Variants in FBH1 observed in about 807,000 individuals in gnomAD.
The protein encoded by FBH1 is F-box DNA helicase 1, also known as DNA 3'-5' helicase 1.
Under a neutral mutation model 115.5 loss-of-function variants are expected in FBH1, and 43 were observed. The ratio of observed to expected loss-of-function variants is 0.37; its 90% CI spans 0.29 to 0.48. FBH1 has a LOEUF of 0.48. Ranked by LOEUF, FBH1 falls within the 20% of genes least tolerant of loss-of-function variation. The pLI, the probability that FBH1 is intolerant of heterozygous loss-of-function variation, is 0.99. For missense variants in FBH1, 1,001 were observed against 1,337.3 expected (o/e 0.75, Z 3.92); for synonymous variants, 524 against 507.8 (o/e 1.03, Z -0.43).
rs757203024 is a variant in FBH1 at position 5,924,517 on chromosome 10, A to G, written c.2596+9A>G. The stretch of plus-strand genomic sequence containing the variant: ...AGATTTGGACTTTGCAGGTAAGGGA[A>G]GCAGTTGGTTTTTACCTTCCCCCTA... On this transcript the variant is annotated intron_variant, in intron 17 of 20. Coordinates refer to ENST00000362091, the MANE Select transcript of FBH1 (RefSeq NM_178150.3). The surrounding 1 kb of genome is among the most constrained non-coding windows in gnomAD (Gnocchi z 6.2). 3.0e-5 allele frequency: 48 copies of G among 1,613,532 alleles called. No homozygotes were observed. Among genetic ancestry groups the G allele is most frequent in the Non-Finnish European group, 4.0e-5 (47 of 1,179,722 alleles).
Position 5,914,250 on chromosome 10 carries a change from G to A in FBH1, c.1377G>A (p.Val459=). 6.2e-7 allele frequency: 1 copy of A among 1,614,232 alleles called. No individual in the cohort carries two copies. Among genetic ancestry groups the A allele is most frequent in the Non-Finnish European group, 8.5e-7 (1 of 1,180,038 alleles). ...ACAAGATGGAACCTCTCCAGGTGGTGAAAATTATGGCCTTTGCCGGTAAGG... is the reference window on the plus strand; with the variant it reads ...ACAAGATGGAACCTCTCCAGGTGGTAAAAATTATGGCCTTTGCCGGTAAGG... ...LNHKMEPLQV[V]KIMAFAGTGK... The change falls in exon 8 of 21, where the codon GTG becomes GTA. Residue 459 remains valine, a synonymous_variant. Coordinates refer to ENST00000362091, the MANE Select transcript of FBH1 (RefSeq NM_178150.3). This position sits in a 1 kb window ranked among gnomAD's most constrained non-coding sequence, Gnocchi z 5.2.
In FBH1 at chr10:5,923,835, A is replaced by G; in HGVS notation, c.2398+139A>G. 3 of 757,532 alleles carry G rather than the reference A, an allele frequency of 4.0e-6. No individual in the cohort carries two copies. Among genetic ancestry groups the G allele is most frequent in the East Asian group, 5.3e-5 (2 of 37,920 alleles). 46.9% of individuals were successfully genotyped at this position (757,532 alleles called of 1,614,324 possible). A position where few individuals can be genotyped will look rare whatever the true frequency, so the allele number is the denominator to read the frequency against. On this transcript the variant is annotated intron_variant, in intron 16 of 20. Coordinates refer to ENST00000362091, the MANE Select transcript of FBH1 (RefSeq NM_178150.3). The surrounding 1 kb of genome is among the most constrained non-coding windows in gnomAD (Gnocchi z 5.7). Reference sequence around the variant, plus strand: ...CTAGTGTTGCTGTCTTCCCATGACGAGGGGGGTGCCTCGGGCCTCCTGTTT... The same window carrying G: ...CTAGTGTTGCTGTCTTCCCATGACGGGGGGGGTGCCTCGGGCCTCCTGTTT...
Position 5,911,570 on chromosome 10 carries a change from G to A in FBH1, c.1211+442G>A, listed in dbSNP as rs1402057810. Among the ~76,000 whole-genome samples the A allele has an allele frequency of 6.6e-6, 1 of 152,156 alleles. No individual in the cohort carries two copies. Among genetic ancestry groups the A allele is most frequent in the East Asian group, 1.9e-4 (1 of 5,196 alleles). ...TCGGCTGCTGATTCACAGGGGCCCC[G>A]ATGGTTTCCTCAGCAGGGTGGGGAG... On this transcript the variant is annotated intron_variant, in intron 6 of 20. Transcript: ENST00000362091. This position sits in a 1 kb window ranked among gnomAD's most constrained non-coding sequence, Gnocchi z 5.4.
At chr10:5,905,094 G>C (rs981021668) in intron 2 of FBH1, 1 of 152,182 alleles carries the variant, frequency 6.6e-6, no homozygotes, top group Non-Finnish European at 1.5e-5. Flanking sequence ...CAGAATCATT[G>C]GTGCTTAGTA....
Position 5,914,399 on chromosome 10 carries a change from A to C in FBH1, c.1396+130A>C, listed in dbSNP as rs1831797770. 6.6e-6 allele frequency: 5 copies of C among 763,020 alleles called. No homozygotes were observed. Among genetic ancestry groups the C allele is most frequent in the Non-Finnish European group, 1.1e-5 (5 of 453,356 alleles). The allele number at this position is 763,020 out of a possible 1,614,324, so 47.3% of individuals were successfully genotyped here. On this transcript the variant is annotated intron_variant, in intron 8 of 20. Coordinates refer to ENST00000362091, the MANE Select transcript of FBH1 (RefSeq NM_178150.3). The surrounding 1 kb of genome is among the most constrained non-coding windows in gnomAD (Gnocchi z 5.2). ...CAACTAATAATTCAATAACAGATCA[A>C]ATAATCAATCTCAAAAGCAATTGGC... is the stretch of plus-strand genomic sequence containing the variant.
At position 5,917,437 on chromosome 10, in the gene FBH1, G is replaced by C; in HGVS notation, c.1806G>C (p.Ala602=). 6.2e-7 allele frequency: 1 copy of C among 1,614,168 alleles called. No homozygotes were observed. Among genetic ancestry groups the C allele is most frequent in the African/African-American group, 1.3e-5 (1 of 75,062 alleles). ...CTTCCTAGAATGGTGTCCTTGAAGC[G>C]AGCCGCCTCTGGGATAACATGCGGA... ...QSEKLNGVLE[A]SRLWDNMRKL... Residue 602 remains alanine, a synonymous_variant, in exon 11 of 21, where the codon GCG becomes GCC. Transcript: ENST00000362091. This position sits in a 1 kb window ranked among gnomAD's most constrained non-coding sequence, Gnocchi z 5.6.
chr10:5,936,483 A>C lies in FBH1; in HGVS notation c.2857A>C (p.Ser953Arg). 4.3e-6 allele frequency: 7 copies of C among 1,614,032 alleles called. No homozygotes were observed. Among genetic ancestry groups the C allele is most frequent in the Non-Finnish European group, 5.9e-6 (7 of 1,179,990 alleles). Residue 953 changes from serine (S) to arginine (R), a missense_variant, in exon 20 of 21, where the codon AGC becomes CGC. By Grantham distance (110) the Ser-to-Arg change is moderately radical. This residue lies in a region of FBH1 where 521 missense variants were observed against 811.0 expected (regional missense o/e 0.64). Coordinates refer to ENST00000362091, the MANE Select transcript of FBH1 (RefSeq NM_178150.3). This position sits in a 1 kb window ranked among gnomAD's most constrained non-coding sequence, Gnocchi z 5.6. ...GEYFLQAELT[S>R]NVLKTGVVRC... ...GTACTTCTTGCAAGCAGAGCTGACA[A>C]GCAACGTCTTAAAAACAGGCGTGGT...
In FBH1 at chr10:5,906,671, A is replaced by G; in HGVS notation, c.753+39A>G. On this transcript the variant is annotated intron_variant, in intron 3 of 20. Transcript: ENST00000362091. This position sits in a 1 kb window ranked among gnomAD's most constrained non-coding sequence, Gnocchi z 7.3. ...GGAGTCGGGAGATGTTTCCTCTAAA[A>G]GCACGTAACTTTGCTTAATGCACGC... The G allele has an allele frequency of 6.6e-7, 1 of 1,523,252 alleles. No individual in the cohort carries two copies. Among genetic ancestry groups the G allele is most frequent in the Non-Finnish European group, 8.9e-7 (1 of 1,123,140 alleles). 94.4% of individuals were successfully genotyped at this position (1,523,252 alleles called of 1,614,324 possible).
At position 5,917,805 on chromosome 10, in the gene FBH1, A is replaced by G; in HGVS notation, c.1963+129A>G. ...GATAAAGAAGAGGATCTTCATACTT[A>G]CCTTAGGATTTCAAGCTGCCCCTTC... On this transcript the variant is annotated intron_variant, in intron 12 of 20. Transcript: ENST00000362091. This position sits in a 1 kb window ranked among gnomAD's most constrained non-coding sequence, Gnocchi z 5.6. 1.3e-6 allele frequency: 1 copy of G among 785,832 alleles called. No homozygotes were observed. Among genetic ancestry groups the G allele is most frequent in the Non-Finnish European group, 2.1e-6 (1 of 486,026 alleles). 48.7% of individuals were successfully genotyped at this position (785,832 alleles called of 1,614,324 possible).
In FBH1 at chr10:5,902,935, A is replaced by G; in HGVS notation, c.2-85A>G. On this transcript the variant is annotated intron_variant, in intron 1 of 20. Transcript: ENST00000362091. ...GACAAAATCGTGTCACTATGCAGAA[A>G]CTTGAGTATAATGTGCTGGCTAGCT... is the stretch of plus-strand genomic sequence containing the variant. The G allele has an allele frequency of 3.0e-6, 4 of 1,329,868 alleles. No homozygotes were observed. The South Asian group carries it at 7.0e-5, about 23-fold the overall frequency. 82.4% of individuals were successfully genotyped at this position (1,329,868 alleles called of 1,614,324 possible). A position where few individuals can be genotyped will look rare whatever the true frequency, so the allele number is the denominator to read the frequency against.
At position 5,900,085 on chromosome 10, in the gene FBH1, A is replaced by C. The variant is rs1843246955; in HGVS notation, c.2-2935A>C. On this transcript the variant is annotated intron_variant, in intron 1 of 20. Transcript: ENST00000362091. This position sits in a 1 kb window ranked among gnomAD's most constrained non-coding sequence, Gnocchi z 4.2. The stretch of plus-strand genomic sequence containing the variant: ...CGAGACATGTTACTGGTTAGTTTAG[A>C]AGGTATTTCCAGTAATACAGAATTG... 6.6e-6 allele frequency among the ~76,000 whole-genome samples: 1 copy of C among 152,232 alleles called. No homozygotes were observed.
chr10:5,923,018 G>T lies in FBH1; in HGVS notation c.2323-603G>T, dbSNP rs370868177. On this transcript the variant is annotated intron_variant, in intron 15 of 20. Transcript: ENST00000362091. This position sits in a 1 kb window ranked among gnomAD's most constrained non-coding sequence, Gnocchi z 5.7. ...GTGCCTCGGCCTCCTGACTAGCTGG[G>T]ACCATAGGCGCCTGCCACCACACCC... is the stretch of plus-strand genomic sequence containing the variant. 6.6e-5 allele frequency among the ~76,000 whole-genome samples: 10 copies of T among 152,262 alleles called. No individual in the cohort carries two copies. The highest frequency in any genetic ancestry group is 2.4e-4 in the African/African-American group (10 of 41,546).
At position 5,897,096 on chromosome 10, in the gene FBH1, A is replaced by T. The variant is rs11255774; in HGVS notation, c.2-5924A>T. On this transcript the variant is annotated intron_variant, in intron 1 of 20. Transcript: ENST00000362091. This position sits in a 1 kb window ranked among gnomAD's most constrained non-coding sequence, Gnocchi z 4.7. ...CTGATGTGCCTTAGGAGACCCTCAG[A>T]TTGGTGTGGTAGTCACATATTTCTT... is the stretch of plus-strand genomic sequence containing the variant. Among the ~76,000 whole-genome samples, 1 of 152,106 alleles carries T rather than the reference A, an allele frequency of 6.6e-6. No individual in the cohort carries two copies. The highest frequency in any genetic ancestry group is 1.5e-5 in the Non-Finnish European group (1 of 67,962).
chr10:5,927,648 G>A, intron 19 of FBH1, 107 bp downstream of exon 19: 1 of 801,282 alleles, frequency 1.2e-6, no homozygotes, highest in Non-Finnish European at 2.0e-6. Flanking sequence ...AAGATCCTGG[G>A]TTGGAAGAGA....
chr10:5,915,975 C>T lies in FBH1; in HGVS notation c.1566-259C>T. ...GAACTCCAAGGGTCCCTCCGGGGAC[C>T]TTCTGGAGCCCAGCTTCATGGTGGA... On this transcript the variant is annotated intron_variant, in intron 9 of 20. Transcript: ENST00000362091. This position sits in a 1 kb window ranked among gnomAD's most constrained non-coding sequence, Gnocchi z 5.2. The T allele has an allele frequency of 3.8e-6, 2 of 519,974 alleles. No individual in the cohort carries two copies. Among genetic ancestry groups the T allele is most frequent in the Non-Finnish European group, 3.5e-6 (1 of 289,138 alleles). The allele number at this position is 519,974 out of a possible 1,614,324, so 32.2% of individuals were successfully genotyped here.
rs922862164 is a variant in FBH1, at chr10:5,890,255, G to A, written c.-91G>A. ...TCTCGGGCTCCAGGTCCCGGCCAGA[G>A]GAGGAGCTCGCTGCCGGGGGACGCT... On this transcript the variant is annotated 5_prime_UTR_variant, in exon 1 of 21. Transcript: ENST00000362091. 109 of 365,726 alleles carry A rather than the reference G, an allele frequency of 3.0e-4. No individual in the cohort carries two copies. The highest frequency in any genetic ancestry group is 2.2e-3 in the African/African-American group (103 of 46,656). The allele number at this position is 365,726 out of a possible 1,614,324, so 22.7% of individuals were successfully genotyped here. A position where few individuals can be genotyped will look rare whatever the true frequency, so the allele number is the denominator to read the frequency against.
chr10:5,897,497 G>A lies in FBH1; in HGVS notation c.2-5523G>A, dbSNP rs80337692. Among the ~76,000 whole-genome samples the A allele has an allele frequency of 1.9e-4, 29 of 152,218 alleles. No individual in the cohort carries two copies. The highest frequency in any genetic ancestry group is 6.5e-4 in the African/African-American group (27 of 41,522). On this transcript the variant is annotated intron_variant, in intron 1 of 20. Transcript: ENST00000362091. The surrounding 1 kb of genome is among the most constrained non-coding windows in gnomAD (Gnocchi z 4.7). ...TTAGTTTTCCTGACCTCCAGCTGAC[G>A]TTAGAAAAGTTATTTTTGATACATA...
Position 5,936,620 on chromosome 10 carries a change from C to T in FBH1, c.2961+33C>T, listed in dbSNP as rs778486851. ...TGCTGTCTGTGGAACTTAATTCAGC[C>T]ATTTGCATTTTTTGCTTGTGAGCTC... On this transcript the variant is annotated intron_variant, in intron 20 of 20. Coordinates refer to ENST00000362091, the MANE Select transcript of FBH1 (RefSeq NM_178150.3). The surrounding 1 kb of genome is among the most constrained non-coding windows in gnomAD (Gnocchi z 5.6). The T allele has an allele frequency of 2.5e-6, 4 of 1,608,496 alleles. No individual in the cohort carries two copies. The highest frequency in any genetic ancestry group is 3.4e-6 in the Non-Finnish European group (4 of 1,175,564).
intron 1 of FBH1, among the ~76,000 whole-genome samples, chr10:5,892,404 T>C (rs182144143): frequency 2.2e-4 from 33 of 152,370 alleles, no homozygotes; most frequent in African/African-American, 7.5e-4. Flanking sequence ...TTGGGTTTGT[T>C]GACATCATCT....
Sources: allele counts gnomAD v4.1 joint callset (sites outside exome capture counted in the v4.1 genomes callset), GRCh38; gene constraint gnomAD v4.1.1; regional missense constraint gnomAD v4.1.1; non-coding constraint Gnocchi (gnomAD v3.1); transcripts MANE v1.5; gene names NCBI Gene and HGNC (gene_info 2026-07-23, HGNC 2026-07-21).